NEB: variants seen among roughly 807,000 people sequenced by gnomAD.
NEB encodes the protein nebulin, also known as nemaline myopathy type 2.
NEB carries 512 observed loss-of-function variants against 952.2 expected under a neutral mutation model. The observed-to-expected ratio is 0.54, with a 90% CI of 0.50 to 0.58. The LOEUF is 0.58. Ranked by LOEUF, NEB falls within the 20% of genes least tolerant of loss-of-function variation. The pLI is 0.00. For missense variants in NEB, 8,428 were observed against 9,231.1 expected (o/e 0.91, Z 3.56); for synonymous variants, 2,900 against 3,149.8 (o/e 0.92, Z 2.66).
At chr2:151,559,436 A>G (rs1469284427) in intron 124 of NEB, among the ~76,000 whole-genome samples, 1 of 152,242 alleles carries the variant, frequency 6.6e-6, no homozygotes, top group African/African-American at 2.4e-5. Flanking sequence ...CAATCCCATT[A>G]CTGGGTATAT....
At position 151,527,029 on chromosome 2, in the gene NEB, TAGAAGAAAGGC is replaced by T. The variant is rs1248947475; in HGVS notation, c.21841-18_21841-8del. 1 of 1,570,888 alleles carries T rather than the reference TAGAAGAAAGGC, an allele frequency of 6.4e-7. No individual in the cohort carries two copies. Among genetic ancestry groups the T allele is most frequent in the East Asian group, 2.3e-5 (1 of 43,822 alleles). ...GGTCCAGCTTATATTCAAACTGTGATAGAAGAAAGGCAGAAGAAAAGGGAAGGGTGACAGCA... is the reference window on the plus strand; with the variant it reads ...GGTCCAGCTTATATTCAAACTGTGATAGAAGAAAAGGGAAGGGTGACAGCA... On this transcript the variant is annotated splice_polypyrimidine_tract_variant and splice_region_variant and intron_variant, in intron 147 of 181. Coordinates refer to ENST00000397345, the MANE Select transcript of NEB (RefSeq NM_001164508.2).
chr2:151,517,128 A>G (rs1378589704), intron 156 of NEB, among the ~76,000 whole-genome samples: 1 of 152,230 alleles, frequency 6.6e-6, no homozygotes, highest in Non-Finnish European at 1.5e-5. Flanking sequence ...ACTAGTTTAC[A>G]TATTGACTGA....
chr2:151,553,784 T>C (rs2095473145), intron 126 of NEB, 44 bp downstream of exon 126: 7 of 1,541,572 alleles, frequency 4.5e-6, no homozygotes, highest in Non-Finnish European at 6.1e-6. Flanking sequence ...GGTGGGGCCG[T>C]GGGGCGGGGC....
intron 153 of NEB, among the ~76,000 whole-genome samples, chr2:151,521,460 T>C (rs1483202439): frequency 6.6e-6 from 1 of 152,102 alleles, no homozygotes; most frequent in Non-Finnish European, 1.5e-5. Context: ...AGCTGGTGTC[T>C]GGACCAAAGG....
In NEB at chr2:151,656,237, G is replaced by A. The variant is rs2099084606; in HGVS notation, c.6411C>T (p.Tyr2137=). ...DAQANITNTN[Y]KHLIHKYILL... ...GGATGTACTTGTGAATCAGGTGCTT[G>A]TAGTTAGTGTTGGTGATGTTGGCTT... The change falls in exon 49 of 182, where the codon TAC becomes TAT. Residue 2137 remains tyrosine (Y), a synonymous_variant. Transcript: ENST00000397345. The A allele has an allele frequency of 1.2e-6, 2 of 1,613,322 alleles. No individual in the cohort carries two copies. Among genetic ancestry groups the A allele is most frequent in the Non-Finnish European group, 1.7e-6 (2 of 1,179,596 alleles).
rs371019748 is a variant in NEB, at chr2:151,553,873, C to T, written c.19581G>A (p.Leu6527=). 6.2e-7 allele frequency: 1 copy of T among 1,613,556 alleles called. No individual in the cohort carries two copies. Among genetic ancestry groups the T allele is most frequent in the Non-Finnish European group, 8.5e-7 (1 of 1,179,614 alleles). The change falls in exon 126 of 182, where the codon TTG becomes TTA. Residue 6527 remains leucine, a synonymous_variant. Coordinates refer to ENST00000397345, the MANE Select transcript of NEB (RefSeq NM_001164508.2). Reference sequence around the variant, plus strand: ...CTTTCCTGACGTGATCATTGACTTGCAAGTCGGGGTGGCAAATCCATTCGT... The same window carrying T: ...CTTTCCTGACGTGATCATTGACTTGTAAGTCGGGGTGGCAAATCCATTCGT... The part of the protein sequence containing the change: ...RLHEWICHPD[L]QVNDHVRKVT...
chr2:151,690,904 G>C, intron 23 of NEB, 79 bp from the exon 24 acceptor site: 1 of 1,037,598 alleles, frequency 9.6e-7, no homozygotes, highest in African/African-American at 1.6e-5. Flanking sequence ...ATGGTTCCAG[G>C]TCAAAACAGA....
chr2:151,610,902 G>T, intron 78 of NEB, 36 bp from the exon 79 acceptor site: 1 of 1,367,628 alleles, frequency 7.3e-7, no homozygotes, highest in South Asian at 1.4e-5. Context: ...TGGGGAGAGG[G>T]AGGGAGTATA....
intron 129 of NEB, among the ~76,000 whole-genome samples, chr2:151,550,785 C>T (rs2095275045): frequency 6.6e-6 from 1 of 151,390 alleles, no homozygotes. Flanking sequence ...ACCACAGGTG[C>T]ATGCCACTAT....
intron 154 of NEB, 83 bp from the exon 155 acceptor site, chr2:151,519,152 C>T (rs186974080): frequency 3.0e-5 from 27 of 889,422 alleles, no homozygotes; most frequent in African/African-American, 2.3e-4. Flanking sequence ...GATAGCCCAT[C>T]GTCAAACAAA....
At chr2:151,552,957 A>C (rs1414011117) in intron 127 of NEB, among the ~76,000 whole-genome samples, 181 bp from the exon 128 acceptor site, 1 of 152,202 alleles carries the variant, frequency 6.6e-6, no homozygotes, top group Non-Finnish European at 1.5e-5. Flanking sequence ...GGGCTTCTAG[A>C]GTCTTCTAGG....
intron 10 of NEB, 55 bp downstream of exon 10, chr2:151,717,361 G>T: frequency 8.1e-7 from 1 of 1,227,130 alleles, no homozygotes; most frequent in Non-Finnish European, 1.2e-6. Flanking sequence ...TCTGATGGTT[G>T]AAATTATTAA....
rs1473543036 is a variant in NEB at position 151,697,641 on chromosome 2, T to C, written c.1160A>G (p.Tyr387Cys). ...TTTTGTCTTTTCATAGTTTTCCTTG[T>C]ATAGTTTCTGTCAAAGAAAAAAAAT... is the stretch of plus-strand genomic sequence containing the variant. ...AAGDALSDKL[Y>C]KENYEKTKAK... is the part of the protein sequence containing the mutation. The change falls in exon 14 of 182, where the codon TAC (tyrosine) becomes TGC (cysteine). Residue 387 changes from tyrosine to cysteine, a missense_variant. Physicochemically the swap from Tyr to Cys is radical, Grantham distance 194. This residue lies in a region of NEB where 2,851 missense variants were observed against 2,791.5 expected (regional missense o/e 1.02). Coordinates refer to ENST00000397345, the MANE Select transcript of NEB (RefSeq NM_001164508.2). The C allele has an allele frequency of 7.5e-6, 12 of 1,601,684 alleles. 1 individual carries two copies. The South Asian group carries it at 9.1e-5, about 12-fold the overall frequency.
At chr2:151,553,794 C>T in intron 126 of NEB, 34 bp downstream of exon 126, 1 of 1,568,184 alleles carries the variant, frequency 6.4e-7, no homozygotes, top group East Asian at 2.3e-5. Context: ...TGGGGCGGGG[C>T]CGTGGAGGGG....
chr2:151,527,359 C>T (rs2086891091), intron 147 of NEB, 122 bp downstream of exon 147: 1 of 843,526 alleles, frequency 1.2e-6, no homozygotes. Flanking sequence ...ATCCTCCTCT[C>T]CTTCTCGGAT....
At position 151,524,578 on chromosome 2, in the gene NEB, G is replaced by A. The variant is rs760746706; in HGVS notation, c.22311C>T (p.Tyr7437=). 3 of 1,564,092 alleles carry A rather than the reference G, an allele frequency of 1.9e-6. No individual in the cohort carries two copies. Among genetic ancestry groups the A allele is most frequent in the African/African-American group, 1.4e-5 (1 of 71,786 alleles). ...TGTCTGGTCGATCAGCCACTGTGGT[G>A]TAATGCAGGTTCTCTTTGGCATCTT... ...YRKDAKENLH[Y]TTVADRPDIK... is the part of the protein sequence containing the mutation. Residue 7437 remains tyrosine (Y), a synonymous_variant, in exon 152 of 182, where the codon TAC becomes TAT. Coordinates refer to ENST00000397345, the MANE Select transcript of NEB (RefSeq NM_001164508.2).
At chr2:151,722,806 C>T (rs1031086709) in intron 9 of NEB, among the ~76,000 whole-genome samples, 14 of 152,162 alleles carry the variant, frequency 9.2e-5, no homozygotes, top group Admixed American at 3.9e-4. Context: ...CTCTTGGCCT[C>T]CCAAACTGCT....
In NEB at chr2:151,615,987, A is replaced by G. The variant is rs1401833950; in HGVS notation, c.11289+15T>C. ...TCTTTGAATAAGAAATGGCTTTTCC[A>G]AAACATCCACTTACATCACTAGCAA... On this transcript the variant is annotated intron_variant, in intron 76 of 181. Transcript: ENST00000397345. 2.5e-6 allele frequency: 4 copies of G among 1,585,138 alleles called. No homozygotes were observed. In the East Asian group the frequency reaches 9.0e-5, roughly 36 times the overall value.
chr2:151,531,315 T>C (rs1357988105), intron 144 of NEB, among the ~76,000 whole-genome samples: 58 of 133,428 alleles, frequency 4.3e-4, no homozygotes, highest in Non-Finnish European at 5.5e-4. Context: ...TTTCTTTTTT[T>C]TTTTTTTTTT....
Sources: allele counts gnomAD v4.1 joint callset (sites outside exome capture counted in the v4.1 genomes callset), GRCh38; gene constraint gnomAD v4.1.1; regional missense constraint gnomAD v4.1.1; transcripts MANE v1.5; gene names NCBI Gene and HGNC (gene_info 2026-07-23, HGNC 2026-07-21).